DACH2: variants seen among roughly 807,000 people sequenced by gnomAD.
DACH2 encodes dachshund family transcription factor 2.
In DACH2, 17 loss-of-function variants were observed where a neutral mutation model predicts 35.8. The observed-to-expected ratio is 0.48, with a 90% confidence interval of 0.33 to 0.71. DACH2 has a LOEUF of 0.71. Among genes scored for constraint, DACH2 ranks in the 30% least tolerant of loss-of-function variants. DACH2 has a pLI of 0.02. For synonymous variants in DACH2, 195 were observed against 177.3 expected (o/e 1.10, Z -0.79); for missense variants, 469 against 472.7 (o/e 0.99, Z 0.07).
chrX:86,502,883 A>G (rs1041147784), intron 2 of DACH2, among the ~76,000 whole-genome samples: 5 of 111,690 alleles, frequency 4.5e-5, no homozygotes, highest in Non-Finnish European at 9.4e-5. Flanking sequence ...CTCATCAGCT[A>G]TCGTTAGTAT....
chrX:86,300,462 T>G (rs2034553047), intron 1 of DACH2, among the ~76,000 whole-genome samples: 1 of 104,832 alleles, frequency 9.5e-6, no homozygotes, highest in African/African-American at 3.5e-5. Flanking sequence ...TTCTCACTCA[T>G]AGGTGGGAAT....
chrX:86,389,643 G>A (rs1246298746), intron 2 of DACH2, among the ~76,000 whole-genome samples: 1 of 111,887 alleles, frequency 8.9e-6, no homozygotes, highest in Non-Finnish European at 1.9e-5. Flanking sequence ...ATCAGTTTAG[G>A]TCGTCATAGC....
chrX:86,634,832 G>T (rs1355451516), intron 3 of DACH2, among the ~76,000 whole-genome samples: 1 of 111,778 alleles, frequency 8.9e-6, no homozygotes, highest in Admixed American at 9.5e-5. Context: ...TGAATTAGAA[G>T]AATTAATGTA....
chrX:86,397,615 TG>T (rs2036324724), intron 2 of DACH2, among the ~76,000 whole-genome samples: 1 of 112,054 alleles, frequency 8.9e-6, no homozygotes, highest in Non-Finnish European at 1.9e-5. Flanking sequence ...TGTTGAATTT[TG>T]TCAAAGGCCT....
At chrX:86,754,800 T>C (rs1602900994) in intron 7 of DACH2, among the ~76,000 whole-genome samples, 1 of 112,117 alleles carries the variant, frequency 8.9e-6, no homozygotes, top group South Asian at 3.7e-4. Flanking sequence ...TTGTGTATTA[T>C]AGCACATTTT....
At chrX:86,151,911 T>C (rs911564653) in intron 1 of DACH2, among the ~76,000 whole-genome samples, 1 of 110,488 alleles carries the variant, frequency 9.1e-6, no homozygotes, top group Non-Finnish European at 1.9e-5. Context: ...AGCAGAGTGA[T>C]GCCTTGAGAC....
intron 3 of DACH2, among the ~76,000 whole-genome samples, chrX:86,638,032 G>C (rs1021294787): frequency 1.0e-5 from 1 of 100,476 alleles, no homozygotes; most frequent in African/African-American, 3.5e-5. Context: ...GTACACTAAC[G>C]AAAACAATAA....
At chrX:86,291,302 T>G (rs1269306335) in intron 1 of DACH2, among the ~76,000 whole-genome samples, 2 of 97,291 alleles carry the variant, frequency 2.1e-5, no homozygotes, top group Non-Finnish European at 2.0e-5. Flanking sequence ...TGAAGTTGCT[T>G]ATCAGCTTAA....
chrX:86,309,633 A>G (rs1194981397), intron 1 of DACH2, among the ~76,000 whole-genome samples: 1 of 111,878 alleles, frequency 8.9e-6, no homozygotes, highest in Admixed American at 9.5e-5. Flanking sequence ...ATGGGAAATA[A>G]ATCTGACTAA....
chrX:86,469,756 G>C (rs2037732325), intron 2 of DACH2, among the ~76,000 whole-genome samples: 1 of 110,367 alleles, frequency 9.1e-6, no homozygotes, highest in Admixed American at 9.8e-5. Context: ...ACATCATTCA[G>C]TAATTACTGA....
chrX:86,744,581 C>T (rs774508573), intron 7 of DACH2, among the ~76,000 whole-genome samples: 27 of 111,269 alleles, frequency 2.4e-4, no homozygotes, highest in Non-Finnish European at 4.9e-4. Flanking sequence ...ATTTTCAGAA[C>T]ATTAAGACAT....
intron 2 of DACH2, among the ~76,000 whole-genome samples, chrX:86,457,960 A>G (rs1332878850): frequency 8.9e-6 from 1 of 112,015 alleles, no homozygotes; most frequent in East Asian, 2.8e-4. Context: ...CCCTGGGAAT[A>G]TTTACGTCAC....
intron 7 of DACH2, among the ~76,000 whole-genome samples, chrX:86,762,914 A>AT (rs2041897232): frequency 9.0e-6 from 1 of 111,339 alleles, no homozygotes; most frequent in African/African-American, 3.3e-5. Flanking sequence ...TATTCCTTCT[A>AT]TTTTTTGTAC....
chrX:86,819,691 G>A (rs2042489676), intron 11 of DACH2, among the ~76,000 whole-genome samples: 1 of 111,686 alleles, frequency 9.0e-6, no homozygotes, highest in African/African-American at 3.2e-5. Context: ...ACTGACAAGT[G>A]ATTTCATTAC....
At chrX:86,677,072 C>G (rs1459594863) in intron 4 of DACH2, among the ~76,000 whole-genome samples, 2 of 111,755 alleles carry the variant, frequency 1.8e-5, no homozygotes, top group Admixed American at 9.5e-5. Context: ...TATTTAATTT[C>G]TATGTTAGCA....
intron 2 of DACH2, among the ~76,000 whole-genome samples, chrX:86,462,891 T>C (rs1390814031): frequency 1.8e-5 from 2 of 111,788 alleles, no homozygotes; most frequent in African/African-American, 6.5e-5. Context: ...GGCACAATGA[T>C]TAGTTATGTT....
At chrX:86,363,531 A>ATATT (rs754139386) in intron 1 of DACH2, among the ~76,000 whole-genome samples, 110 of 111,859 alleles carry the variant, frequency 9.8e-4, no homozygotes, top group Non-Finnish European at 1.8e-3. Context: ...TGTCAAAAGT[A>ATATT]TATTATAACT....
chrX:86,359,663 C>A (rs73520064), intron 1 of DACH2, among the ~76,000 whole-genome samples: 2,889 of 110,779 alleles, frequency 0.026, 74 homozygotes, highest in East Asian at 0.21. Flanking sequence ...GGGAGAGAAT[C>A]GCTTGAGCCC....
intron 7 of DACH2, among the ~76,000 whole-genome samples, chrX:86,804,928 A>G (rs2042328477): frequency 8.9e-6 from 1 of 112,165 alleles, no homozygotes; most frequent in Non-Finnish European, 1.9e-5. Flanking sequence ...CTCAAGGGCT[A>G]GTGTTGATTG....
Sources: gnomAD v4.1 joint callset for allele counts (sites outside exome capture counted in the v4.1 genomes callset) on GRCh38, gnomAD v4.1.1 for gene constraint, MANE v1.5 for transcripts, NCBI Gene and HGNC (gene_info 2026-07-23, HGNC 2026-07-21) for gene names.